Variants in APOBEC3F observed in about 807,000 individuals in gnomAD.
The protein encoded by APOBEC3F is apolipoprotein B mRNA editing enzyme catalytic subunit 3F.
APOBEC3F carries 34 observed loss-of-function variants against 45.8 expected under a neutral mutation model. That is an observed-to-expected ratio of 0.74 (90% CI 0.57 to 0.99). APOBEC3F has a LOEUF of 0.99. Ranked by LOEUF, APOBEC3F falls within the 50% of genes least tolerant of loss-of-function variation. The pLI is 0.00. For synonymous variants in APOBEC3F, 192 were observed against 174.4 expected, an observed-to-expected ratio of 1.10 and a Z score of -0.80; for missense variants, 459 against 474.1, an observed-to-expected ratio of 0.97 and a Z score of 0.30.
chr22:39,051,348 T>C (rs1239372663), intron 5 of APOBEC3F, among the ~76,000 whole-genome samples: 1 of 150,910 alleles, frequency 6.6e-6, no homozygotes, highest in Non-Finnish European at 1.5e-5. Flanking sequence ...CCATGCTCGC[T>C]AACTCGGTGA....
chr22:39,054,927 G>A lies in APOBEC3F; in HGVS notation c.*2232G>A, dbSNP rs1178247079. Among the ~76,000 whole-genome samples the A allele has an allele frequency of 5.3e-5, 8 of 152,110 alleles. No individual in the cohort carries two copies. The highest frequency in any genetic ancestry group is 1.2e-4 in the Non-Finnish European group (8 of 68,020). ...GCATTTATTTTCTCACAGATATGGA[G>A]GCTACAAGTCCAAGGTGGAGGGGTC... On this transcript the variant is annotated 3_prime_UTR_variant, in exon 7 of 7. Coordinates refer to ENST00000308521, the MANE Select transcript of APOBEC3F (RefSeq NM_145298.6).
At chr22:39,043,135 G>T in intron 2 of APOBEC3F, 45 bp downstream of exon 2, 1 of 1,607,914 alleles carries the variant, frequency 6.2e-7, no homozygotes, top group Non-Finnish European at 8.5e-7. Flanking sequence ...AGCTAAGCCA[G>T]CTGGGAAAGC....
rs570563632 is a variant in APOBEC3F, at chr22:39,050,768, C to G, written c.723+1187C>G. ...AGCCCCTTTGGCCAACCTTCAACTC[C>G]ATGGGACAATGTGGGTCCAATGACC... On this transcript the variant is annotated intron_variant, in intron 5 of 6. Coordinates refer to ENST00000308521, the MANE Select transcript of APOBEC3F (RefSeq NM_145298.6). 3.9e-5 allele frequency among the ~76,000 whole-genome samples: 6 copies of G among 151,992 alleles called. No individual in the cohort carries two copies. In the East Asian group the frequency reaches 1.2e-3, roughly 29 times the overall value.
At position 39,054,187 on chromosome 22, in the gene APOBEC3F, A is replaced by G. The variant is rs1242032519; in HGVS notation, c.*1492A>G. 6.7e-6 allele frequency among the ~76,000 whole-genome samples: 1 copy of G among 148,308 alleles called. No homozygotes were observed. The highest frequency in any genetic ancestry group is 6.7e-5 in the Admixed American group (1 of 14,946). On this transcript the variant is annotated 3_prime_UTR_variant, in exon 7 of 7. Coordinates refer to ENST00000308521, the MANE Select transcript of APOBEC3F (RefSeq NM_145298.6). ...ACCACCAAACCAGGCTAATTTTTGT[A>G]TTTTTCATAAAAACGGGTTTCATCA...
chr22:39,044,300 C>T (rs1927089063), intron 2 of APOBEC3F: 7 of 1,486,552 alleles, frequency 4.7e-6, no homozygotes, highest in Non-Finnish European at 6.3e-6. Flanking sequence ...GCATGAGGCT[C>T]TGAACAGGGC....
At chr22:39,045,252 C>T (rs775300816) in intron 3 of APOBEC3F, 32 bp downstream of exon 3, 4 of 1,607,804 alleles carry the variant, frequency 2.5e-6, no homozygotes, top group Admixed American at 1.7e-5. Flanking sequence ...GGAGCGTGAG[C>T]GGGAGGAACA....
chr22:39,053,662 A>C lies in APOBEC3F; in HGVS notation c.*967A>C, dbSNP rs1927602296. On this transcript the variant is annotated 3_prime_UTR_variant, in exon 7 of 7. Coordinates refer to ENST00000308521, the MANE Select transcript of APOBEC3F (RefSeq NM_145298.6). ...CAACCGAAATGGGTATGAAAGTTGA[A>C]ATGGGTATGTAAGTTGAAAACCAGA... 1 of 152,170 alleles carries C rather than the reference A, an allele frequency of 6.6e-6. No individual in the cohort carries two copies. Among genetic ancestry groups the C allele is most frequent in the Admixed American group, 6.6e-5 (1 of 15,264 alleles). 9.4% of individuals were successfully genotyped at this position (152,170 alleles called of 1,614,324 possible).
At position 39,045,763 on chromosome 22, in the gene APOBEC3F, A is replaced by G. The variant is rs371225326; in HGVS notation, c.566+221A>G. 5.7e-4 allele frequency among the ~76,000 whole-genome samples: 86 copies of G among 151,888 alleles called. 2 individuals are homozygous for G. In the South Asian group the frequency reaches 0.017, roughly 31 times the overall value. ...AGAGGCCCCTTCTGCCTCCAGAGCA[A>G]CCTCCATCCACCTTCGAGGCCGCCC... is the stretch of plus-strand genomic sequence containing the variant. On this transcript the variant is annotated intron_variant, in intron 4 of 6. Transcript: ENST00000308521.
intron 1 of APOBEC3F, 151 bp downstream of exon 1, chr22:39,041,128 G>T (rs1483079404): frequency 7.1e-7 from 1 of 1,415,626 alleles, no homozygotes; most frequent in African/African-American, 1.4e-5. Context: ...TCCCAGCCAG[G>T]CTCTTTTTCC....
chr22:39,046,411 G>A (rs1187067208), intron 4 of APOBEC3F, among the ~76,000 whole-genome samples: 2 of 152,064 alleles, frequency 1.3e-5, no homozygotes, highest in Non-Finnish European at 2.9e-5. Flanking sequence ...CTGTGTGTCT[G>A]TCTCCCAGGC....
chr22:39,044,676 C>G (rs1224977025), intron 2 of APOBEC3F, among the ~76,000 whole-genome samples: 4 of 152,160 alleles, frequency 2.6e-5, no homozygotes, highest in South Asian at 2.1e-4. Context: ...AATAAACACG[C>G]CAGTAGCACC....
At chr22:39,044,379 A>G in intron 2 of APOBEC3F, 1 of 1,385,672 alleles carries the variant, frequency 7.2e-7, no homozygotes, top group Non-Finnish European at 9.3e-7. Flanking sequence ...CAACAGCAGG[A>G]CTGAGATGGG....
rs1927618881 is a variant in APOBEC3F at position 39,054,131 on chromosome 22, G to A, written c.*1436G>A. On this transcript the variant is annotated 3_prime_UTR_variant, in exon 7 of 7. Transcript: ENST00000308521. Reference sequence around the variant, plus strand: ...TTGTTCAAGTGATTCTCCTGTCTCAGCCTCCCGAGTAGCTGGGATTACAGG... The same window carrying A: ...TTGTTCAAGTGATTCTCCTGTCTCAACCTCCCGAGTAGCTGGGATTACAGG... 6.6e-6 allele frequency among the ~76,000 whole-genome samples: 1 copy of A among 151,992 alleles called. No homozygotes were observed. The highest frequency in any genetic ancestry group is 6.6e-5 in the Admixed American group (1 of 15,256).
chr22:39,050,270 T>C (rs1927421705), intron 5 of APOBEC3F, among the ~76,000 whole-genome samples: 2 of 151,622 alleles, frequency 1.3e-5, no homozygotes. Context: ...GCCACTGCCC[T>C]GATTCCTCGA....
intron 4 of APOBEC3F, among the ~76,000 whole-genome samples, chr22:39,048,940 G>A (rs747444041): frequency 4.6e-5 from 7 of 152,040 alleles, no homozygotes; most frequent in African/African-American, 9.6e-5. Flanking sequence ...AGCTGAGATC[G>A]CGCCACTGCA....
intron 1 of APOBEC3F, 115 bp from the exon 2 acceptor site, chr22:39,042,822 G>A (rs547447394): frequency 2.8e-5 from 41 of 1,479,152 alleles, no homozygotes; most frequent in Admixed American, 9.4e-5. Context: ...TCTCAGGGCT[G>A]TGGAGGGGTT....
Position 39,054,565 on chromosome 22 carries a change from A to G in APOBEC3F, c.*1870A>G, listed in dbSNP as rs929996419. On this transcript the variant is annotated 3_prime_UTR_variant, in exon 7 of 7. Coordinates refer to ENST00000308521, the MANE Select transcript of APOBEC3F (RefSeq NM_145298.6). ...TTAAACTCCTGACCTCAAGTGATCC[A>G]ACCTCCTTGGCCTCCCAAATTGCTG... Among the ~76,000 whole-genome samples, 2 of 152,118 alleles carry G rather than the reference A, an allele frequency of 1.3e-5. No individual in the cohort carries two copies. The highest frequency in any genetic ancestry group is 4.8e-5 in the African/African-American group (2 of 41,432).
At chr22:39,052,544 G>C (rs778077261) in intron 6 of APOBEC3F, 33 bp from the exon 7 acceptor site, 1 of 1,598,036 alleles carries the variant, frequency 6.3e-7, no homozygotes. Flanking sequence ...AAGCCTGCTG[G>C]GCCCTCACTG....
At chr22:39,046,969 G>A (rs1426802001) in intron 4 of APOBEC3F, among the ~76,000 whole-genome samples, 1 of 152,116 alleles carries the variant, frequency 6.6e-6, no homozygotes, top group Non-Finnish European at 1.5e-5. Flanking sequence ...CGGGAGAGAC[G>A]GGAACTGAGC....
Sources: allele counts gnomAD v4.1 joint callset (sites outside exome capture counted in the v4.1 genomes callset), GRCh38; gene constraint gnomAD v4.1.1; transcripts MANE v1.5; gene names NCBI Gene and HGNC (gene_info 2026-07-23, HGNC 2026-07-21).